The following SLC17A8 variants were observed in gnomAD, a reference collection of about 807,000 sequenced individuals.
SLC17A8 encodes the protein solute carrier family 17 member 8, also known as vesicular glutamate transporter 3.
Under a neutral mutation model 58.0 loss-of-function variants are expected in SLC17A8, and 31 were observed. The observed-to-expected ratio is 0.53, with a 90% CI of 0.40 to 0.72. SLC17A8 has a LOEUF of 0.72. Among genes scored for constraint, SLC17A8 ranks in the 30% least tolerant of loss-of-function variants. SLC17A8 has a pLI of 0.00. For missense variants in SLC17A8, 655 were observed against 727.8 expected, an observed-to-expected ratio of 0.90 and a Z score of 1.15; for synonymous variants, 228 against 249.0, an observed-to-expected ratio of 0.92 and a Z score of 0.79.
chr12:100,358,900 G>C (rs955799194), intron 1 of SLC17A8, among the ~76,000 whole-genome samples: 2 of 152,198 alleles, frequency 1.3e-5, no homozygotes, highest in African/African-American at 4.8e-5. Flanking sequence ...CCAGCACTTT[G>C]GGAGGCGGAA....
chr12:100,411,424 G>A (rs1424540525), intron 9 of SLC17A8, among the ~76,000 whole-genome samples: 1 of 152,192 alleles, frequency 6.6e-6, no homozygotes, highest in Non-Finnish European at 1.5e-5. Context: ...AAGTTGCAGT[G>A]AGCCAAGATC....
At chr12:100,382,135 G>A (rs545449643) in intron 2 of SLC17A8, among the ~76,000 whole-genome samples, 42 of 152,330 alleles carry the variant, frequency 2.8e-4, no homozygotes, top group East Asian at 9.6e-4. Flanking sequence ...GGTAGAGCAC[G>A]TTGAGGTGGA....
chr12:100,409,035 G>A (rs1272986032), intron 9 of SLC17A8, among the ~76,000 whole-genome samples: 1 of 152,028 alleles, frequency 6.6e-6, no homozygotes. Flanking sequence ...GGTTCAAAAA[G>A]GTAAATATTA....
chr12:100,389,572 T>A (rs752971232), intron 2 of SLC17A8, among the ~76,000 whole-genome samples: 1 of 151,596 alleles, frequency 6.6e-6, no homozygotes, highest in Admixed American at 6.6e-5. Context: ...TCTGTGTATA[T>A]ACATATATAC....
chr12:100,386,514 T>C (rs1393030032), intron 2 of SLC17A8, among the ~76,000 whole-genome samples: 3 of 152,136 alleles, frequency 2.0e-5, no homozygotes, highest in Non-Finnish European at 4.4e-5. Flanking sequence ...TTCAAGTCTA[T>C]GAATTTGACT....
chr12:100,419,688 C>T, intron 11 of SLC17A8, 127 bp from the exon 12 acceptor site: 1 of 866,058 alleles, frequency 1.2e-6, no homozygotes. Flanking sequence ...GTCCTCCCGC[C>T]CAAGGAGCCT....
At chr12:100,408,493 T>A (rs1952842443) in intron 9 of SLC17A8, among the ~76,000 whole-genome samples, 1 of 152,164 alleles carries the variant, frequency 6.6e-6, no homozygotes, top group South Asian at 2.1e-4. Flanking sequence ...TCTAAATAGG[T>A]TCAATTTTAA....
At chr12:100,361,139 C>T (rs1952481465) in intron 1 of SLC17A8, among the ~76,000 whole-genome samples, 1 of 152,316 alleles carries the variant, frequency 6.6e-6, no homozygotes, top group South Asian at 2.1e-4. Context: ...GGCAACTTGG[C>T]TGCAATGGGG....
chr12:100,384,924 G>T (rs945771164), intron 2 of SLC17A8, among the ~76,000 whole-genome samples: 6 of 152,128 alleles, frequency 3.9e-5, no homozygotes, highest in Admixed American at 2.6e-4. Context: ...GTCCTTCATG[G>T]ACTGCTTTCT....
At chr12:100,411,885 T>C (rs1266134248) in intron 9 of SLC17A8, among the ~76,000 whole-genome samples, 1 of 152,144 alleles carries the variant, frequency 6.6e-6, no homozygotes, top group Non-Finnish European at 1.5e-5. Context: ...CTTGGTGAAC[T>C]TTGAAATAGA....
At chr12:100,412,742 T>A in intron 9 of SLC17A8, 28 bp from the exon 10 acceptor site, 1 of 1,496,002 alleles carries the variant, frequency 6.7e-7, no homozygotes, top group Non-Finnish European at 9.3e-7. Context: ...AAAATGACAT[T>A]TTTTTCCCTT....
chr12:100,367,741 G>A (rs1263462261), intron 1 of SLC17A8, among the ~76,000 whole-genome samples: 2 of 152,074 alleles, frequency 1.3e-5, no homozygotes, highest in Non-Finnish European at 2.9e-5. Flanking sequence ...CTGTAGAGAC[G>A]AAGGTCTCGC....
At chr12:100,367,443 A>T (rs1952527298) in intron 1 of SLC17A8, among the ~76,000 whole-genome samples, 2 of 152,258 alleles carry the variant, frequency 1.3e-5, no homozygotes. Context: ...TTAGGTTTAT[A>T]TAACAATGAA....
intron 2 of SLC17A8, among the ~76,000 whole-genome samples, chr12:100,386,147 A>G (rs1468049925): frequency 6.6e-6 from 1 of 152,166 alleles, no homozygotes; most frequent in Non-Finnish European, 1.5e-5. Context: ...TGTTTTCCAG[A>G]TAAGGTAGCA....
intron 11 of SLC17A8, among the ~76,000 whole-genome samples, 197 bp downstream of exon 11, chr12:100,418,353 T>C (rs1952922460): frequency 6.6e-6 from 1 of 152,130 alleles, no homozygotes. Flanking sequence ...AGGCTAGTTG[T>C]TGTTTTGTTC....
chr12:100,384,351 G>A (rs1232536141), intron 2 of SLC17A8, among the ~76,000 whole-genome samples: 3 of 152,174 alleles, frequency 2.0e-5, no homozygotes. Flanking sequence ...TGTAATCCCA[G>A]CAATTTGGGA....
intron 1 of SLC17A8, among the ~76,000 whole-genome samples, chr12:100,377,808 G>A (rs961048683): frequency 5.9e-5 from 9 of 151,888 alleles, no homozygotes; most frequent in African/African-American, 1.9e-4. Flanking sequence ...GGCTGGTCTC[G>A]AACTCCTGAC....
chr12:100,378,667 G>C (rs1592992398), intron 1 of SLC17A8, among the ~76,000 whole-genome samples: 1 of 152,104 alleles, frequency 6.6e-6, no homozygotes, highest in Admixed American at 6.6e-5. Flanking sequence ...GGGATAAAAG[G>C]GGACAAGATC....
chr12:100,370,066 T>C (rs1177176763), intron 1 of SLC17A8, among the ~76,000 whole-genome samples: 2 of 152,144 alleles, frequency 1.3e-5, no homozygotes, highest in African/African-American at 4.8e-5. Context: ...TGTTTGCTTG[T>C]TTCTGCTTTT....
Sources: allele counts gnomAD v4.1 joint callset (sites outside exome capture counted in the v4.1 genomes callset), GRCh38; gene constraint gnomAD v4.1.1; transcripts MANE v1.5; gene names NCBI Gene and HGNC (gene_info 2026-07-23, HGNC 2026-07-21).